The following SPOCK3 variants were observed in gnomAD, a reference collection of about 807,000 sequenced individuals.
SPOCK3 encodes the protein SPARC (osteonectin), cwcv and kazal like domains proteoglycan 3.
Under a neutral mutation model 56.6 loss-of-function variants are expected in SPOCK3, and 30 were observed. That is an observed-to-expected ratio of 0.53 (90% CI 0.40 to 0.72). The LOEUF is 0.72. Among genes scored for constraint, SPOCK3 ranks in the 30% least tolerant of loss-of-function variants. SPOCK3 has a pLI of 0.00. For missense variants in SPOCK3, 527 were observed against 530.0 expected, an observed-to-expected ratio of 0.99 and a Z score of 0.06; for synonymous variants, 196 against 183.3, an observed-to-expected ratio of 1.07 and a Z score of -0.56.
intron 2 of SPOCK3, among the ~76,000 whole-genome samples, chr4:167,069,533 G>C (rs2150262105): frequency 6.6e-6 from 1 of 151,960 alleles, no homozygotes; most frequent in Non-Finnish European, 1.5e-5. Context: ...TAGCGGGCGG[G>C]TTTGTTGCAG....
chr4:167,109,566 CAA>C (rs1342857028), intron 2 of SPOCK3, among the ~76,000 whole-genome samples: 7 of 126,928 alleles, frequency 5.5e-5, no homozygotes, highest in African/African-American at 8.7e-5. Flanking sequence ...AAATATGTTA[CAA>C]ATATATATAT....
intron 6 of SPOCK3, among the ~76,000 whole-genome samples, chr4:166,808,026 A>T (rs955778459): frequency 6.6e-6 from 1 of 152,144 alleles, no homozygotes; most frequent in Non-Finnish European, 1.5e-5. Context: ...TCCCTGCAGC[A>T]TATTTCCAGA....
At chr4:166,767,374 T>C (rs200113129) in intron 7 of SPOCK3, among the ~76,000 whole-genome samples, 49,791 of 151,480 alleles carry the variant, frequency 0.33, 8,347 homozygotes, top group Admixed American at 0.41. Context: ...GTCCCAGAGA[T>C]TCTGGTATGT....
At chr4:167,073,260 T>A (rs1756864160) in intron 2 of SPOCK3, among the ~76,000 whole-genome samples, 1 of 151,736 alleles carries the variant, frequency 6.6e-6, no homozygotes, top group Non-Finnish European at 1.5e-5. Context: ...TATAAATACA[T>A]ACATTTATAT....
chr4:167,177,714 T>A (rs961335091), intron 2 of SPOCK3, among the ~76,000 whole-genome samples: 1 of 152,108 alleles, frequency 6.6e-6, no homozygotes, highest in Admixed American at 6.6e-5. Flanking sequence ...CATTTTGTGG[T>A]TTTTACACTG....
chr4:167,144,710 T>C (rs74777323), intron 2 of SPOCK3, among the ~76,000 whole-genome samples: 12,828 of 137,342 alleles, frequency 0.093, 705 homozygotes, highest in Middle Eastern at 0.17. Context: ...GACAGAGCCA[T>C]GCAGATATCT....
chr4:167,134,279 T>C (rs901243471), intron 2 of SPOCK3, among the ~76,000 whole-genome samples: 4 of 151,938 alleles, frequency 2.6e-5, no homozygotes, highest in African/African-American at 4.8e-5. Context: ...GCGATCTGCC[T>C]GCCTCAGTCT....
chr4:167,122,338 C>T (rs1227622176), intron 2 of SPOCK3, among the ~76,000 whole-genome samples: 22 of 152,104 alleles, frequency 1.4e-4, no homozygotes, highest in Admixed American at 9.8e-4. Context: ...TCTGTGGAGA[C>T]GGGGTTTTGC....
At chr4:167,020,160 G>A (rs566618058) in intron 3 of SPOCK3, among the ~76,000 whole-genome samples, 2 of 152,168 alleles carry the variant, frequency 1.3e-5, no homozygotes, top group Admixed American at 1.3e-4. Flanking sequence ...AATCTAAAAT[G>A]TGTGCATTGT....
intron 3 of SPOCK3, among the ~76,000 whole-genome samples, chr4:167,006,473 A>C (rs759974227): frequency 2.6e-5 from 4 of 152,120 alleles, no homozygotes; most frequent in Non-Finnish European, 5.9e-5. Flanking sequence ...CTATTACCAG[A>C]GTATTTGTCT....
chr4:167,149,524 A>G (rs1272179498), intron 2 of SPOCK3, among the ~76,000 whole-genome samples: 1 of 152,038 alleles, frequency 6.6e-6, no homozygotes, highest in Non-Finnish European at 1.5e-5. Context: ...GAAAATATAG[A>G]TTCTCCTGTT....
intron 6 of SPOCK3, among the ~76,000 whole-genome samples, chr4:166,858,443 T>C (rs1189797069): frequency 6.6e-6 from 1 of 152,192 alleles, no homozygotes; most frequent in Non-Finnish European, 1.5e-5. Flanking sequence ...ATTTTTATGG[T>C]ACTTATTTGC....
At chr4:166,950,435 C>T (rs927009387) in intron 4 of SPOCK3, among the ~76,000 whole-genome samples, 5 of 151,774 alleles carry the variant, frequency 3.3e-5, no homozygotes, top group African/African-American at 1.2e-4. Context: ...ATTCATAAAG[C>T]AAGTCCTGAG....
At chr4:167,143,196 C>G (rs533037042) in intron 2 of SPOCK3, among the ~76,000 whole-genome samples, 4 of 151,938 alleles carry the variant, frequency 2.6e-5, no homozygotes, top group African/African-American at 9.7e-5. Context: ...ACAAATACAT[C>G]GGTTCTGTCC....
chr4:167,192,448 T>C (rs1422091409), intron 2 of SPOCK3, among the ~76,000 whole-genome samples: 2 of 146,022 alleles, frequency 1.4e-5, no homozygotes, highest in African/African-American at 2.6e-5. Flanking sequence ...TTTTTATTAA[T>C]GTGTCAATCT....
chr4:167,060,117 A>C (rs1755424065), intron 3 of SPOCK3, among the ~76,000 whole-genome samples: 1 of 151,968 alleles, frequency 6.6e-6, no homozygotes, highest in Non-Finnish European at 1.5e-5. Flanking sequence ...TAACCTGCAC[A>C]TTGTGTACAC....
Position 166,816,463 on chromosome 4 carries a change from CA to C in SPOCK3, c.590-24175del, listed in dbSNP as rs200821313. Among the ~76,000 whole-genome samples the C allele has an allele frequency of 5.5e-3, 833 of 152,110 alleles. 8 individuals carry two copies. The highest frequency in any genetic ancestry group is 0.019 in the African/African-American group (790 of 41,530). On this transcript the variant is annotated intron_variant, in intron 6 of 10. Coordinates refer to ENST00000357545, the MANE Select transcript of SPOCK3 (RefSeq NM_001040159.2). ...GGCCCTGAGGATTTTTAATTAATTT[CA>C]TTGCCATCAAGTAGCATTTTTATAA...
chr4:167,233,557 C>G (rs1434329801), intron 2 of SPOCK3, among the ~76,000 whole-genome samples: 5 of 152,174 alleles, frequency 3.3e-5, no homozygotes, highest in Non-Finnish European at 7.3e-5. Flanking sequence ...TTCCTACCTC[C>G]TCCCTCAAAT....
At chr4:166,904,922 A>G (rs2127069982) in intron 5 of SPOCK3, among the ~76,000 whole-genome samples, 1 of 152,170 alleles carries the variant, frequency 6.6e-6, no homozygotes, top group South Asian at 2.1e-4. Flanking sequence ...TGATAAATGC[A>G]TCAGTTAAGG....
Sources: gnomAD v4.1 joint callset for allele counts (sites outside exome capture counted in the v4.1 genomes callset) on GRCh38, gnomAD v4.1.1 for gene constraint, MANE v1.5 for transcripts, NCBI Gene and HGNC (gene_info 2026-07-23, HGNC 2026-07-21) for gene names.